Variants in RACGAP1 observed in about 807,000 individuals in gnomAD.
The protein encoded by RACGAP1 is rac GTPase-activating protein 1.
RACGAP1 carries 30 observed loss-of-function variants against 78.1 expected under a neutral mutation model. That is an observed-to-expected ratio of 0.38 (90% confidence interval 0.29 to 0.52). The LOEUF is 0.52. Among genes scored for constraint, RACGAP1 ranks in the 20% least tolerant of loss-of-function variants. RACGAP1 has a pLI of 0.82. For synonymous variants in RACGAP1, 231 were observed against 264.8 expected, an observed-to-expected ratio of 0.87 and a Z score of 1.24; for missense variants, 587 against 777.1, an observed-to-expected ratio of 0.76 and a Z score of 2.91.
At chr12:49,995,067 G>A (rs902163944) in intron 10 of RACGAP1, among the ~76,000 whole-genome samples, 23 of 152,086 alleles carry the variant, frequency 1.5e-4, no homozygotes, top group African/African-American at 4.8e-4. Context: ...ATGTACAGGC[G>A]GCCAGGTGCG....
chr12:50,013,378 C>T (rs1358844735), intron 2 of RACGAP1, among the ~76,000 whole-genome samples: 2 of 152,166 alleles, frequency 1.3e-5, no homozygotes, highest in Non-Finnish European at 2.9e-5. Flanking sequence ...TAAAAGCCAG[C>T]ACTAGTTATC....
chr12:50,023,397 C>T (rs893836980), intron 1 of RACGAP1, among the ~76,000 whole-genome samples: 1 of 152,212 alleles, frequency 6.6e-6, no homozygotes, highest in African/African-American at 2.4e-5. Flanking sequence ...CCAAATAAGA[C>T]TGTCTTCTAC....
At chr12:50,010,214 T>C (rs1949227412) in intron 2 of RACGAP1, among the ~76,000 whole-genome samples, 1 of 152,092 alleles carries the variant, frequency 6.6e-6, no homozygotes, top group African/African-American at 2.4e-5. Context: ...CTGTGTGGAC[T>C]GGAGAAAACA....
At chr12:49,997,484 C>T (rs183073830) in intron 9 of RACGAP1, among the ~76,000 whole-genome samples, 195 of 152,082 alleles carry the variant, frequency 1.3e-3, no homozygotes, top group East Asian at 4.5e-3. Flanking sequence ...CCATGTTGGC[C>T]AGGCTGGTCT....
At chr12:50,029,509 G>A (rs1950312262), upstream of RACGAP1, among the ~76,000 whole-genome samples, 2 of 152,102 alleles carry the variant, frequency 1.3e-5, no homozygotes, top group Admixed American at 1.3e-4. Flanking sequence ...GGGAGACGGA[G>A]GTTGCAGTGA....
At chr12:50,025,910 A>T (rs572895866), upstream of RACGAP1, among the ~76,000 whole-genome samples, 1 of 152,210 alleles carries the variant, frequency 6.6e-6, no homozygotes, top group Non-Finnish European at 1.5e-5. Context: ...TGATGTATCC[A>T]TTCAGACTTT....
intron 7 of RACGAP1, among the ~76,000 whole-genome samples, chr12:50,000,387 G>A (rs1371366050): frequency 6.6e-6 from 1 of 151,646 alleles, no homozygotes; most frequent in African/African-American, 2.4e-5. Context: ...CCTGACCTCA[G>A]GTGATCATCC....
At chr12:50,014,094 A>G (rs993546522) in intron 2 of RACGAP1, among the ~76,000 whole-genome samples, 1 of 152,230 alleles carries the variant, frequency 6.6e-6, no homozygotes, top group African/African-American at 2.4e-5. Flanking sequence ...AACATCAATC[A>G]ATTCAAAAAA....
chr12:50,005,155 GCA>G, intron 4 of RACGAP1, 99 bp downstream of exon 4: 2 of 1,533,786 alleles, frequency 1.3e-6, no homozygotes, highest in Non-Finnish European at 1.8e-6. Flanking sequence ...GCTTTTTTCA[GCA>G]CACATTCTAG....
intron 7 of RACGAP1, 66 bp from the exon 8 acceptor site, chr12:49,999,799 T>A: frequency 1.3e-5 from 16 of 1,269,102 alleles, no homozygotes; most frequent in East Asian, 2.3e-5. Flanking sequence ...CTATAGGGTA[T>A]TTTGGAGCAG....
chr12:50,025,380 G>A lies in RACGAP1; in HGVS notation c.-5+18C>T, dbSNP rs1950232588. 1.0e-6 allele frequency: 1 copy of A among 985,766 alleles called. No homozygotes were observed. The highest frequency in any genetic ancestry group is 1.2e-6 in the Non-Finnish European group (1 of 830,238). 61.1% of individuals were successfully genotyped at this position (985,766 alleles called of 1,614,324 possible). ...ATCCAGCGGCAGACGCACCTGGTCT[G>A]GCACCCCCACTACTCACTTCAGTCA... On this transcript the variant is annotated intron_variant, in intron 1 of 16. Coordinates refer to ENST00000312377, the MANE Select transcript of RACGAP1 (RefSeq NM_001319999.2).
At position 49,990,163 on chromosome 12, in the gene RACGAP1, G is replaced by C; in HGVS notation, c.*105C>G. The C allele has an allele frequency of 1.1e-6, 1 of 913,298 alleles. No individual in the cohort carries two copies. The highest frequency in any genetic ancestry group is 1.7e-6 in the Non-Finnish European group (1 of 584,976). The allele number at this position is 913,298 out of a possible 1,614,324, so 56.6% of individuals were successfully genotyped here. ...ACAATTAAACTTGAGTAAAAGCCTG[G>C]AGAATGCTAAAAGTAGTAATGAGTA... On this transcript the variant is annotated 3_prime_UTR_variant, in exon 17 of 17. Transcript: ENST00000312377.
chr12:50,023,196 T>C (rs1343200447), intron 1 of RACGAP1, among the ~76,000 whole-genome samples: 1 of 152,206 alleles, frequency 6.6e-6, no homozygotes, highest in African/African-American at 2.4e-5. Context: ...CTGTTTTCCT[T>C]AGACTAGATT....
chr12:50,016,146 C>A (rs2137604346), intron 2 of RACGAP1, among the ~76,000 whole-genome samples: 1 of 152,282 alleles, frequency 6.6e-6, no homozygotes, highest in South Asian at 2.1e-4. Context: ...CTTTGGGAGG[C>A]CGAGGCGGGC....
intron 7 of RACGAP1, among the ~76,000 whole-genome samples, chr12:50,000,118 A>G (rs980491877): frequency 7.0e-6 from 1 of 142,980 alleles, no homozygotes; most frequent in South Asian, 2.2e-4. Flanking sequence ...GGTTCACGCC[A>G]TTCTCCTGCC....
chr12:49,991,457 TTATA>T (rs59257280), intron 15 of RACGAP1, among the ~76,000 whole-genome samples: 350 of 27,414 alleles, frequency 0.013, 13 homozygotes, highest in Middle Eastern at 0.031. Flanking sequence ...ATTTAAACTA[TTATA>T]TATATATATA....
intron 1 of RACGAP1, chr12:50,018,428 T>C: frequency 1.2e-6 from 1 of 816,144 alleles, no homozygotes; most frequent in Non-Finnish European, 1.8e-6. Context: ...AGAACAAAAC[T>C]AAAAGGATAG....
At chr12:50,000,018 A>ATTTT (rs757681041) in intron 7 of RACGAP1, among the ~76,000 whole-genome samples, 1 of 99,642 alleles carries the variant, frequency 1.0e-5, no homozygotes, top group East Asian at 2.9e-4. Flanking sequence ...CACCTGACTG[A>ATTTT]TTTTTTTTTT....
At chr12:50,012,020 C>T in intron 2 of RACGAP1, among the ~76,000 whole-genome samples, 1 of 149,940 alleles carries the variant, frequency 6.7e-6, no homozygotes. Flanking sequence ...CCCAGCTACT[C>T]TGGAGGCTGA....
Sources: allele counts gnomAD v4.1 joint callset (sites outside exome capture counted in the v4.1 genomes callset), GRCh38; gene constraint gnomAD v4.1.1; transcripts MANE v1.5; gene names NCBI Gene and HGNC (gene_info 2026-07-23, HGNC 2026-07-21).